The following DPP6 variants were observed in gnomAD, a reference collection of about 807,000 sequenced individuals.
The protein encoded by DPP6 is dipeptidyl peptidase like 6.
A neutral mutation model predicts 122.6 loss-of-function variants in DPP6; 69 were observed. The observed-to-expected ratio is 0.56, with a 90% CI of 0.46 to 0.69. DPP6 has a LOEUF of 0.69. Ranked by LOEUF, DPP6 falls within the 30% of genes least tolerant of loss-of-function variation. The pLI, the probability that DPP6 is intolerant of heterozygous loss-of-function variation, is 0.00. For synonymous variants in DPP6, 418 were observed against 433.1 expected (o/e 0.97, Z 0.43); for missense variants, 928 against 1,116.9 (o/e 0.83, Z 2.41).
At chr7:154,142,200 A>G (rs1414927687) in intron 1 of DPP6, among the ~76,000 whole-genome samples, 2 of 151,606 alleles carry the variant, frequency 1.3e-5, no homozygotes. Context: ...AATAAGTGAT[A>G]GAGATTTTAA....
chr7:154,072,968 G>C (rs568358876), intron 1 of DPP6, among the ~76,000 whole-genome samples: 15 of 152,366 alleles, frequency 9.8e-5, no homozygotes, highest in African/African-American at 3.4e-4. Flanking sequence ...CAGCAACTGT[G>C]AGACATGACG....
the DPP6 span, among the ~76,000 whole-genome samples, chr7:153,752,449 A>G: frequency 2.0e-5 from 3 of 150,250 alleles, no homozygotes; most frequent in Non-Finnish European, 4.4e-5. Flanking sequence ...GGGGTTTGCC[A>G]TGTTGGTCAG....
chr7:154,884,084 A>ACACACATGCTCACCCACACATGCTCACC (rs1175189543), intron 21 of DPP6: 4 of 145,756 alleles, frequency 2.7e-5, no homozygotes, highest in African/African-American at 5.5e-5. Context: ...ACATGCTCAC[A>ACACACATGCTCACCCACACATGCTCACC]CACACATGCT....
At chr7:154,670,109 C>A (rs566311427) in intron 7 of DPP6, among the ~76,000 whole-genome samples, 1 of 152,338 alleles carries the variant, frequency 6.6e-6, no homozygotes, top group Admixed American at 6.5e-5. Flanking sequence ...ATCCACCCGC[C>A]TCAGCCTCCC....
At chr7:153,813,896 G>T in the DPP6 span, among the ~76,000 whole-genome samples, 1,151 of 152,034 alleles carry the variant, frequency 7.6e-3, 15 homozygotes, top group African/African-American at 0.026. Context: ...TTGTAAATTT[G>T]AGTTCATTGT....
At chr7:154,088,114 C>T (rs964211860) in intron 1 of DPP6, among the ~76,000 whole-genome samples, 1 of 152,164 alleles carries the variant, frequency 6.6e-6, no homozygotes, top group African/African-American at 2.4e-5. Context: ...GGAAGCCCCT[C>T]GTGGCACAGC....
intron 1 of DPP6, among the ~76,000 whole-genome samples, chr7:154,113,381 A>G (rs1305364888): frequency 6.9e-6 from 1 of 144,316 alleles, no homozygotes; most frequent in Non-Finnish European, 1.5e-5. Flanking sequence ...CCTTGTCAAC[A>G]TTTGTTTTCC....
At chr7:154,194,314 C>A (rs1350534474) in intron 1 of DPP6, among the ~76,000 whole-genome samples, 4 of 152,166 alleles carry the variant, frequency 2.6e-5, no homozygotes, top group Non-Finnish European at 5.9e-5. Flanking sequence ...AGGGAATTAT[C>A]ATAAAAATCA....
chr7:154,217,893 C>A (rs12703328), intron 1 of DPP6, among the ~76,000 whole-genome samples: 113,172 of 152,098 alleles, frequency 0.74, 43,180 homozygotes, highest in Non-Finnish European at 0.82. Flanking sequence ...GAGGGCAGGG[C>A]TGAGGACCAG....
At chr7:154,600,256 T>G (rs1013316443) in intron 5 of DPP6, among the ~76,000 whole-genome samples, 1 of 126,280 alleles carries the variant, frequency 7.9e-6, no homozygotes, top group African/African-American at 2.6e-5. Flanking sequence ...GCCTCCTGAG[T>G]AGCTGGGATT....
intron 1 of DPP6, among the ~76,000 whole-genome samples, chr7:153,992,492 C>A (rs938546957): frequency 2.0e-5 from 3 of 151,842 alleles, no homozygotes; most frequent in Admixed American, 1.3e-4. Flanking sequence ...TAACTAATGC[C>A]CTTTTCTTCC....
intron 7 of DPP6, among the ~76,000 whole-genome samples, chr7:154,685,610 TC>T (rs1429278251): frequency 1.3e-4 from 20 of 152,104 alleles, no homozygotes; most frequent in African/African-American, 4.8e-4. Flanking sequence ...AAATATAGAA[TC>T]TCTTAGATTA....
chr7:153,883,162 A>G (rs930596140), upstream of DPP6, among the ~76,000 whole-genome samples: 16 of 152,288 alleles, frequency 1.1e-4, no homozygotes, highest in Admixed American at 7.2e-4. Flanking sequence ...CTGTTGATAA[A>G]TATAGGACCA....
intron 1 of DPP6, among the ~76,000 whole-genome samples, chr7:154,061,723 G>T (rs542717820): frequency 2.7e-5 from 2 of 72,744 alleles, no homozygotes; most frequent in Non-Finnish European, 3.0e-5. Context: ...CCCGCGAGGC[G>T]GGGACTGCGA....
chr7:153,793,437 A>G, the DPP6 span, among the ~76,000 whole-genome samples: 2 of 134,008 alleles, frequency 1.5e-5, no homozygotes, highest in Non-Finnish European at 3.3e-5. Flanking sequence ...GAGATGATTT[A>G]GGGTATCTGG....
the DPP6 span, among the ~76,000 whole-genome samples, chr7:153,877,366 A>T: frequency 6.6e-6 from 1 of 152,142 alleles, no homozygotes; most frequent in African/African-American, 2.4e-5. Context: ...CTAAAAATTA[A>T]GACACACACA....
At chr7:154,377,667 G>T (rs962643522) in intron 1 of DPP6, among the ~76,000 whole-genome samples, 1 of 152,062 alleles carries the variant, frequency 6.6e-6, no homozygotes, top group African/African-American at 2.4e-5. Flanking sequence ...GTGGTAAGAC[G>T]TGCCTTGCTT....
At chr7:154,156,168 G>A (rs1023824580) in intron 1 of DPP6, among the ~76,000 whole-genome samples, 2 of 151,912 alleles carry the variant, frequency 1.3e-5, no homozygotes, top group African/African-American at 4.8e-5. Flanking sequence ...GGGTCATCCC[G>A]AGGCCCTGTG....
chr7:153,904,317 G>T (rs1315682120), intron 1 of DPP6, among the ~76,000 whole-genome samples: 1 of 152,172 alleles, frequency 6.6e-6, no homozygotes, highest in African/African-American at 2.4e-5. Flanking sequence ...CTCCCAAAAT[G>T]CTGGGATTAC....
Sources: allele counts gnomAD v4.1 joint callset (sites outside exome capture counted in the v4.1 genomes callset), GRCh38; gene constraint gnomAD v4.1.1; transcripts MANE v1.5; gene names NCBI Gene and HGNC (gene_info 2026-07-23, HGNC 2026-07-21).